FAM177B: variants seen among roughly 807,000 people sequenced by gnomAD.
The protein encoded by FAM177B is protein FAM177B.
A neutral mutation model predicts 16.1 loss-of-function variants in FAM177B; 16 were observed. The ratio of observed to expected loss-of-function variants is 0.99; its 90% CI spans 0.67 to 1.51. The LOEUF is 1.51. FAM177B is among the 40% of genes most tolerant of loss of function. FAM177B has a pLI of 0.00. For synonymous variants in FAM177B, 56 were observed against 59.9 expected (o/e 0.93, Z 0.30); for missense variants, 178 against 183.7 (o/e 0.97, Z 0.18).
chr1:222,749,543 TC>T lies in FAM177B; in HGVS notation c.321del (p.Tyr108IlefsTer45), dbSNP rs749563194. 2 of 1,598,056 alleles carry T rather than the reference TC, an allele frequency of 1.3e-6. No homozygotes were observed. Among genetic ancestry groups the T allele is most frequent in the East Asian group, 4.5e-5 (2 of 44,794 alleles). ...AAATATCAGTATGTGTTAAACGAGTTCTATAGGATACAAAACAAGGTATGTG... is the reference window on the plus strand; with the variant it reads ...AAATATCAGTATGTGTTAAACGAGTTTATAGGATACAAAACAAGGTATGTG... Reference protein sequence around the residue: ...QPKYQYVLNEFYRIQNKKSDN... With the variant: ...QPKYQYVLNEXYRIQNKKSDN... On this transcript the variant is annotated frameshift_variant, in exon 5 of 6. Coordinates refer to ENST00000445590, the MANE Select transcript of FAM177B (RefSeq NM_001394345.1). LOFTEE classifies it low-confidence loss of function (END_TRUNC).
chr1:222,739,624 C>A (rs1437685650), intron 2 of FAM177B: 1 of 152,136 alleles, frequency 6.6e-6, no homozygotes, highest in East Asian at 1.9e-4. Flanking sequence ...TAAATATAGA[C>A]CTTCCCACAA....
At chr1:222,738,143 C>G (rs1658366218) in intron 2 of FAM177B, 122 bp downstream of exon 2, 1 of 151,962 alleles carries the variant, frequency 6.6e-6, no homozygotes, top group African/African-American at 2.4e-5. Flanking sequence ...AGATGTCAAG[C>G]AGGTAGTTGG....
chr1:222,741,061 T>TC (rs1658504280), intron 2 of FAM177B, among the ~76,000 whole-genome samples: 1 of 135,052 alleles, frequency 7.4e-6, no homozygotes, highest in African/African-American at 2.8e-5. Context: ...TGTTTTCTTT[T>TC]TTTTTTTTTT....
At chr1:222,741,169 C>T (rs1658513687) in intron 2 of FAM177B, among the ~76,000 whole-genome samples, 2 of 148,934 alleles carry the variant, frequency 1.3e-5, no homozygotes, top group Admixed American at 1.4e-4. Context: ...AGCGATCCTC[C>T]CACCTCAGAC....
At chr1:222,738,772 G>A (rs1209060201) in intron 2 of FAM177B, among the ~76,000 whole-genome samples, 1 of 152,168 alleles carries the variant, frequency 6.6e-6, no homozygotes, top group African/African-American at 2.4e-5. Flanking sequence ...TTGTAAATAA[G>A]TTGATTCCAA....
intron 2 of FAM177B, among the ~76,000 whole-genome samples, chr1:222,743,216 C>T (rs942099047): frequency 1.3e-5 from 2 of 152,136 alleles, no homozygotes; most frequent in African/African-American, 4.8e-5. Context: ...GGCATGATCT[C>T]GGCTCACTGC....
At chr1:222,738,536 T>C (rs1212051624) in intron 2 of FAM177B, among the ~76,000 whole-genome samples, 2 of 114,792 alleles carry the variant, frequency 1.7e-5, no homozygotes, top group Non-Finnish European at 3.3e-5. Flanking sequence ...CTGGGCAATA[T>C]AGGGAGACTC....
chr1:222,739,926 A>G (rs559724800), intron 2 of FAM177B: 1 of 152,344 alleles, frequency 6.6e-6, no homozygotes, highest in Non-Finnish European at 1.5e-5. Context: ...GTGCAATAGT[A>G]TTATGCTTAA....
rs1658357265 is a variant in FAM177B at position 222,737,998 on chromosome 1, GAGAAGGCTGCC to G, written c.-33_-23del. 1 of 152,266 alleles carries G rather than the reference GAGAAGGCTGCC, an allele frequency of 6.6e-6. No individual in the cohort carries two copies. Among genetic ancestry groups the G allele is most frequent in the South Asian group, 2.1e-4 (1 of 4,830 alleles). 9.4% of individuals were successfully genotyped at this position (152,266 alleles called of 1,614,324 possible). Reference sequence around the variant, plus strand: ...GAACAGAGTTGCCATTTATTGAGATGAGAAGGCTGCCAGAAGAGTAGAGGTAAATGTGTGAG... The same window carrying G: ...GAACAGAGTTGCCATTTATTGAGATGAGAAGAGTAGAGGTAAATGTGTGAG... On this transcript the variant is annotated 5_prime_UTR_variant, in exon 2 of 6. An upstream open reading frame in the 5' UTR loses its in-frame stop. Coordinates refer to ENST00000445590, the MANE Select transcript of FAM177B (RefSeq NM_001394345.1).
chr1:222,748,911 A>G, intron 4 of FAM177B: 1 of 395,136 alleles, frequency 2.5e-6, no homozygotes, highest in South Asian at 2.0e-5. Context: ...TCTTTAGGAA[A>G]CCACTCATTA....
chr1:222,748,779 C>A (rs936588370), intron 4 of FAM177B, among the ~76,000 whole-genome samples: 1 of 152,088 alleles, frequency 6.6e-6, no homozygotes, highest in African/African-American at 2.4e-5. Flanking sequence ...TTTTGATGCC[C>A]TATATGAGCA....
At chr1:222,745,415 C>T (rs1658745758) in intron 2 of FAM177B, among the ~76,000 whole-genome samples, 1 of 151,934 alleles carries the variant, frequency 6.6e-6, no homozygotes, top group Non-Finnish European at 1.5e-5. Context: ...AGTTCAAGAC[C>T]AGCCTAGGTA....
intron 2 of FAM177B, among the ~76,000 whole-genome samples, chr1:222,742,075 G>C (rs1572005523): frequency 6.6e-6 from 1 of 151,758 alleles, no homozygotes; most frequent in East Asian, 1.9e-4. Context: ...GTAACTGCTA[G>C]GATTATAGGT....
chr1:222,747,332 T>A, intron 4 of FAM177B: 1 of 449,766 alleles, frequency 2.2e-6, no homozygotes, highest in East Asian at 3.9e-5. Flanking sequence ...TTCCTACTTA[T>A]CTTTCTTAAC....
chr1:222,739,924 G>A (rs964152779), intron 2 of FAM177B: 2 of 152,182 alleles, frequency 1.3e-5, no homozygotes, highest in Non-Finnish European at 2.9e-5. Flanking sequence ...TTGTGCAATA[G>A]TATTATGCTT....
intron 2 of FAM177B, among the ~76,000 whole-genome samples, chr1:222,741,112 G>A (rs1027729265): frequency 2.7e-5 from 4 of 146,358 alleles, no homozygotes; most frequent in Admixed American, 2.1e-4. Flanking sequence ...AGGCTGGAGG[G>A]CAGTGGTGCA....
chr1:222,749,252 C>A, intron 4 of FAM177B: 1 of 512,356 alleles, frequency 2.0e-6, no homozygotes, highest in East Asian at 3.5e-5. Flanking sequence ...ATATATAATC[C>A]CATATAAAGA....
chr1:222,746,706 C>T lies in FAM177B; in HGVS notation c.161C>T (p.Ser54Leu), dbSNP rs1304951840. 1 of 1,610,210 alleles carries T rather than the reference C, an allele frequency of 6.2e-7. No homozygotes were observed. The highest frequency in any genetic ancestry group is 8.5e-7 in the Non-Finnish European group (1 of 1,177,802). ...GAAAAGGAGGAGCAGAGCACAAATTCAACACTTGACCCTGTAAGCTTAGTA... is the reference window on the plus strand; with the variant it reads ...GAAAAGGAGGAGCAGAGCACAAATTTAACACTTGACCCTGTAAGCTTAGTA... ...EEEKEEQSTN[S>L]TLDPSKLSWG... The change falls in exon 3 of 6, where the codon TCA (serine) becomes TTA (leucine). Residue 54 changes from serine (S) to leucine (L), a missense_variant. Ser to Leu is a moderately radical substitution (Grantham distance 145). Transcript: ENST00000445590.
At chr1:222,742,807 A>AT (rs34273035) in intron 2 of FAM177B, among the ~76,000 whole-genome samples, 1 of 151,246 alleles carries the variant, frequency 6.6e-6, no homozygotes, top group Admixed American at 6.6e-5. Flanking sequence ...ATGCGACGAT[A>AT]TTTTTTTTTT....
Sources: gnomAD v4.1 joint callset for allele counts (sites outside exome capture counted in the v4.1 genomes callset) on GRCh38, gnomAD v4.1.1 for gene constraint, MANE v1.5 for transcripts, NCBI Gene and HGNC (gene_info 2026-07-23, HGNC 2026-07-21) for gene names.